WDR70: variants seen among roughly 807,000 people sequenced by gnomAD.
The protein encoded by WDR70 is WD repeat-containing protein 70.
WDR70 carries 53 observed loss-of-function variants against 88.6 expected under a neutral mutation model. That is an observed-to-expected ratio of 0.60 (90% CI 0.48 to 0.75). WDR70 has a LOEUF of 0.75. Ranked by LOEUF, WDR70 falls within the 30% of genes least tolerant of loss-of-function variation. The pLI is 0.00. For synonymous variants in WDR70, 280 were observed against 270.0 expected (o/e 1.04, Z -0.36); for missense variants, 610 against 823.2 (o/e 0.74, Z 3.17).
At chr5:37,389,745 T>A (rs186843175) in intron 3 of WDR70, among the ~76,000 whole-genome samples, 160 of 152,274 alleles carry the variant, frequency 1.1e-3, no homozygotes, top group East Asian at 6.2e-3. Flanking sequence ...TGCTTTTTTT[T>A]AAATTTTTTC....
chr5:37,528,020 C>A (rs908196856), intron 9 of WDR70, among the ~76,000 whole-genome samples: 1 of 152,184 alleles, frequency 6.6e-6, no homozygotes, highest in Non-Finnish European at 1.5e-5. Context: ...AACACTTTTA[C>A]ACTGTTGGTG....
intron 17 of WDR70, among the ~76,000 whole-genome samples, chr5:37,744,743 T>G (rs535809891): frequency 4.6e-5 from 7 of 150,942 alleles, no homozygotes; most frequent in Admixed American, 1.3e-4. Context: ...GAAAAAAGAA[T>G]GAAAAGGAAT....
At chr5:37,585,809 G>A (rs1743349232) in intron 9 of WDR70, among the ~76,000 whole-genome samples, 1 of 152,088 alleles carries the variant, frequency 6.6e-6, no homozygotes, top group Non-Finnish European at 1.5e-5. Flanking sequence ...CATAATCTCA[G>A]CCCCCTTACT....
intron 8 of WDR70, among the ~76,000 whole-genome samples, chr5:37,485,219 C>T (rs1739820953): frequency 1.3e-5 from 2 of 152,132 alleles, no homozygotes; most frequent in Admixed American, 1.3e-4. Context: ...TTGAAATCTT[C>T]TATGAGATTA....
intron 9 of WDR70, among the ~76,000 whole-genome samples, chr5:37,592,513 T>C (rs1217256284): frequency 6.6e-6 from 1 of 152,218 alleles, no homozygotes; most frequent in Admixed American, 6.5e-5. Flanking sequence ...CCAGAATACG[T>C]GTATCAACTG....
chr5:37,697,221 T>G (rs1747008791), intron 10 of WDR70, among the ~76,000 whole-genome samples: 1 of 152,170 alleles, frequency 6.6e-6, no homozygotes, highest in East Asian at 1.9e-4. Context: ...ATGTGCAGAG[T>G]GTATGGCATA....
At chr5:37,747,562 C>T (rs1748668740) in intron 17 of WDR70, among the ~76,000 whole-genome samples, 1 of 152,148 alleles carries the variant, frequency 6.6e-6, no homozygotes, top group Admixed American at 6.5e-5. Flanking sequence ...TGGGCAAAAG[C>T]TGAAAGCATT....
chr5:37,539,519 T>A (rs1472341337), intron 9 of WDR70, among the ~76,000 whole-genome samples: 1 of 152,208 alleles, frequency 6.6e-6, no homozygotes, highest in East Asian at 1.9e-4. Flanking sequence ...AACTTGGACT[T>A]CTAGTCCCCA....
intron 8 of WDR70, among the ~76,000 whole-genome samples, chr5:37,515,539 G>A (rs575792023): frequency 3.9e-5 from 6 of 152,248 alleles, no homozygotes; most frequent in East Asian, 1.9e-4. Context: ...TTTGTATTCC[G>A]TAAACATGAA....
At chr5:37,470,961 C>G (rs552492641) in intron 7 of WDR70, among the ~76,000 whole-genome samples, 1 of 151,836 alleles carries the variant, frequency 6.6e-6, no homozygotes, top group East Asian at 1.9e-4. Context: ...AATCTCAGCT[C>G]ACTTCAACCT....
chr5:37,554,527 T>C (rs896750425), intron 9 of WDR70, among the ~76,000 whole-genome samples: 5 of 152,068 alleles, frequency 3.3e-5, no homozygotes, highest in African/African-American at 1.2e-4. Context: ...ATCAGTAAGA[T>C]TTCATACCCA....
At chr5:37,585,801 T>C (rs1185848194) in intron 9 of WDR70, among the ~76,000 whole-genome samples, 1 of 152,188 alleles carries the variant, frequency 6.6e-6, no homozygotes, top group Non-Finnish European at 1.5e-5. Context: ...CTGCCTGTCA[T>C]AATCTCAGCC....
chr5:37,744,474 A>G (rs938143684), intron 17 of WDR70, among the ~76,000 whole-genome samples: 7 of 152,098 alleles, frequency 4.6e-5, no homozygotes, highest in Non-Finnish European at 7.3e-5. Flanking sequence ...GGTAATAAAA[A>G]GCTATGATGA....
At chr5:37,500,700 A>G (rs1373624930) in intron 8 of WDR70, among the ~76,000 whole-genome samples, 1 of 88,940 alleles carries the variant, frequency 1.1e-5, no homozygotes, top group Non-Finnish European at 2.6e-5. Context: ...TGAGCATTTT[A>G]TCATATATTT....
chr5:37,385,107 T>C (rs1748567612), intron 3 of WDR70, among the ~76,000 whole-genome samples: 1 of 152,148 alleles, frequency 6.6e-6, no homozygotes, highest in Non-Finnish European at 1.5e-5. Flanking sequence ...GATGAAGTAA[T>C]GCACTGGGCA....
At chr5:37,411,973 G>T in intron 5 of WDR70, among the ~76,000 whole-genome samples, 1 of 150,956 alleles carries the variant, frequency 6.6e-6, no homozygotes, top group East Asian at 1.9e-4. Flanking sequence ...ATTCCATTTT[G>T]TTTATCTATA....
intron 2 of WDR70, among the ~76,000 whole-genome samples, chr5:37,381,186 A>T (rs998907355): frequency 6.6e-6 from 1 of 152,194 alleles, no homozygotes; most frequent in Non-Finnish European, 1.5e-5. Context: ...ATAATGCCTC[A>T]AATTCTTCTC....
Position 37,392,090 on chromosome 5 carries a change from T to C in WDR70, c.266T>C (p.Val89Ala). Residue 89 changes from valine to alanine, a missense_variant, in exon 4 of 18, where the codon GTG (valine) becomes GCG (alanine). Around this residue, in one of 4 missense-constraint regions of WDR70, gnomAD observed 203 missense variants for 228.1 expected, o/e 0.89. Coordinates refer to ENST00000265107, the MANE Select transcript of WDR70 (RefSeq NM_018034.4). Reference sequence around the variant, plus strand: ...GAGCCAACATCCTCAAGATCAAATGTGGTCAGAGATTGCTCCAAATCATCT... The same window carrying C: ...GAGCCAACATCCTCAAGATCAAATGCGGTCAGAGATTGCTCCAAATCATCT... ...DIEPTSSRSN[V>A]VRDCSKSSSR... 1.9e-6 allele frequency: 3 copies of C among 1,610,416 alleles called. No individual in the cohort carries two copies. Among genetic ancestry groups the C allele is most frequent in the Non-Finnish European group, 1.7e-6 (2 of 1,179,400 alleles).
intron 9 of WDR70, among the ~76,000 whole-genome samples, chr5:37,542,940 T>C (rs1446760523): frequency 6.6e-6 from 1 of 152,202 alleles, no homozygotes; most frequent in Non-Finnish European, 1.5e-5. Flanking sequence ...ACCCCACGAA[T>C]CTGAGCTTGT....
Sources: allele counts gnomAD v4.1 joint callset (sites outside exome capture counted in the v4.1 genomes callset), GRCh38; gene constraint gnomAD v4.1.1; regional missense constraint gnomAD v4.1.1; transcripts MANE v1.5; gene names NCBI Gene and HGNC (gene_info 2026-07-23, HGNC 2026-07-21).